The following ANO3 variants were observed in gnomAD, a reference collection of about 807,000 sequenced individuals.
The protein encoded by ANO3 is anoctamin 3.
A neutral mutation model predicts 144.8 loss-of-function variants in ANO3; 99 were observed. That is an observed-to-expected ratio of 0.68 (90% CI 0.58 to 0.81). ANO3 has a LOEUF of 0.81. ANO3 is among the 30% of genes least tolerant of loss of function. The probability of loss-of-function intolerance (pLI) is 0.00; values close to 1 mark genes in which losing one functional copy is unlikely to be tolerated. For missense variants in ANO3, 905 were observed against 1,202.2 expected (o/e 0.75, Z 3.66); for synonymous variants, 414 against 392.6 (o/e 1.05, Z -0.64).
chr11:26,508,103 G>A lies in ANO3; in HGVS notation c.433-1G>A. 1 of 1,571,342 alleles carries A rather than the reference G, an allele frequency of 6.4e-7. No homozygotes were observed. Among genetic ancestry groups the A allele is most frequent in the Non-Finnish European group, 8.6e-7 (1 of 1,166,190 alleles). ...ATTAACAATCATTGCTTTATTTGCA[G>A]AATGACATGAATTACATAGCATCCA... On this transcript the variant is annotated splice_acceptor_variant, in intron 4 of 26. Coordinates refer to ENST00000256737, the MANE Select transcript of ANO3 (RefSeq NM_031418.4). LOFTEE classifies it high-confidence loss of function.
At chr11:26,321,870 C>G (rs1854768954) in intron 1 of ANO3, among the ~76,000 whole-genome samples, 1 of 151,846 alleles carries the variant, frequency 6.6e-6, no homozygotes, top group Non-Finnish European at 1.5e-5. Flanking sequence ...GAAGCTTTAT[C>G]TTTATTTGTG....
intron 14 of ANO3, among the ~76,000 whole-genome samples, chr11:26,564,575 C>T (rs1045881596): frequency 2.7e-5 from 4 of 147,662 alleles, no homozygotes; most frequent in Admixed American, 1.4e-4. Flanking sequence ...TGACATAATC[C>T]TTAAATGAAA....
At chr11:26,199,413 C>T (rs1851649859) in intron 1 of ANO3, among the ~76,000 whole-genome samples, 1 of 152,094 alleles carries the variant, frequency 6.6e-6, no homozygotes, top group Admixed American at 6.5e-5. Flanking sequence ...CCAGGGGTCT[C>T]AGATTGGCCA....
upstream of ANO3, among the ~76,000 whole-genome samples, chr11:26,327,234 G>T (rs1854908294): frequency 1.3e-5 from 2 of 152,174 alleles, no homozygotes; most frequent in Non-Finnish European, 2.9e-5. Flanking sequence ...ATAGAAAAGT[G>T]AGTCAACCTG....
chr11:26,231,975 C>T (rs962684003), intron 1 of ANO3, among the ~76,000 whole-genome samples: 1 of 152,152 alleles, frequency 6.6e-6, no homozygotes, highest in African/African-American at 2.4e-5. Flanking sequence ...TGTGGTGAAA[C>T]ACTTTATAAT....
At chr11:26,644,558 A>G (rs1455210135) in intron 23 of ANO3, among the ~76,000 whole-genome samples, 1 of 152,200 alleles carries the variant, frequency 6.6e-6, no homozygotes, top group African/African-American at 2.4e-5. Context: ...ATGTTGTGCC[A>G]ATTTACACTG....
intron 1 of ANO3, among the ~76,000 whole-genome samples, chr11:26,349,508 A>C (rs1446165982): frequency 6.6e-6 from 1 of 152,104 alleles, no homozygotes; most frequent in Non-Finnish European, 1.5e-5. Context: ...ATACTATTAT[A>C]AGTCACTTGA....
chr11:26,519,263 A>G (rs970093170), intron 6 of ANO3, among the ~76,000 whole-genome samples: 11 of 152,208 alleles, frequency 7.2e-5, no homozygotes, highest in African/African-American at 2.7e-4. Flanking sequence ...AAATATGCTC[A>G]AAGAGAGAGC....
At chr11:26,288,334 G>A (rs1853855415) in intron 1 of ANO3, among the ~76,000 whole-genome samples, 1 of 152,178 alleles carries the variant, frequency 6.6e-6, no homozygotes, top group Non-Finnish European at 1.5e-5. Context: ...TGACAGACTG[G>A]TTGTTCAGAA....
At chr11:26,439,921 C>T (rs997276268) in intron 1 of ANO3, among the ~76,000 whole-genome samples, 1 of 151,926 alleles carries the variant, frequency 6.6e-6, no homozygotes. Flanking sequence ...AAAATGAGAA[C>T]ATTTTATGTA....
chr11:26,299,721 A>G (rs1163877854), intron 1 of ANO3, among the ~76,000 whole-genome samples: 1 of 152,100 alleles, frequency 6.6e-6, no homozygotes, highest in African/African-American at 2.4e-5. Context: ...TGTATGGGAA[A>G]TTATTGGGCT....
intron 1 of ANO3, among the ~76,000 whole-genome samples, chr11:26,358,397 C>G (rs1204655039): frequency 2.0e-5 from 3 of 152,078 alleles, no homozygotes; most frequent in African/African-American, 7.2e-5. Context: ...GCCTTGATCT[C>G]TTGACCTCGT....
chr11:26,618,807 T>C (rs1423627307), intron 17 of ANO3, among the ~76,000 whole-genome samples: 1 of 152,206 alleles, frequency 6.6e-6, no homozygotes, highest in Non-Finnish European at 1.5e-5. Context: ...TGGAATGCCA[T>C]TCTTAATTTG....
intron 4 of ANO3, among the ~76,000 whole-genome samples, chr11:26,490,880 ACAGC>A (rs1860678308): frequency 2.0e-5 from 3 of 152,228 alleles, no homozygotes; most frequent in Non-Finnish European, 4.4e-5. Flanking sequence ...CTCACCTTGA[ACAGC>A]GTTTTAATTG....
intron 1 of ANO3, among the ~76,000 whole-genome samples, chr11:26,213,361 T>C (rs1202653279): frequency 2.6e-5 from 4 of 152,092 alleles, no homozygotes; most frequent in Non-Finnish European, 5.9e-5. Context: ...GCAGATGACA[T>C]GATTGTATAT....
intron 1 of ANO3, among the ~76,000 whole-genome samples, chr11:26,246,796 A>G (rs1852807478): frequency 6.6e-6 from 1 of 151,946 alleles, no homozygotes; most frequent in Admixed American, 6.6e-5. Context: ...ATGAGATCTG[A>G]TGATTTTATA....
At chr11:26,204,699 TA>T (rs1448617541) in intron 1 of ANO3, among the ~76,000 whole-genome samples, 1 of 152,100 alleles carries the variant, frequency 6.6e-6, no homozygotes, top group Non-Finnish European at 1.5e-5. Flanking sequence ...GAGAGAGGTG[TA>T]TGGCGTATAC....
At chr11:26,369,186 G>C (rs1856179673) in intron 1 of ANO3, among the ~76,000 whole-genome samples, 1 of 152,122 alleles carries the variant, frequency 6.6e-6, no homozygotes, top group Admixed American at 6.6e-5. Context: ...TGGAAGTGTG[G>C]AGGTGAGTAG....
chr11:26,586,705 G>A (rs978771791), intron 14 of ANO3, among the ~76,000 whole-genome samples: 20 of 33,368 alleles, frequency 6.0e-4, no homozygotes, highest in East Asian at 2.4e-3. Context: ...AGGTTTCACC[G>A]TGTTAGCCAG....
Sources: allele counts gnomAD v4.1 joint callset (sites outside exome capture counted in the v4.1 genomes callset), GRCh38; gene constraint gnomAD v4.1.1; transcripts MANE v1.5; gene names NCBI Gene and HGNC (gene_info 2026-07-23, HGNC 2026-07-21).